Variants in NBEA observed in about 807,000 individuals in gnomAD.
NBEA encodes neurobeachin, also known as lysosomal-trafficking regulator 2.
NBEA carries 44 observed loss-of-function variants against 343.4 expected under a neutral mutation model. The observed-to-expected ratio is 0.13, with a 90% CI of 0.10 to 0.16. The LOEUF (loss-of-function observed/expected upper bound fraction) is 0.16, where lower values mean the gene tolerates loss of function less well. NBEA is among the 10% of genes least tolerant of loss of function. The probability of loss-of-function intolerance (pLI) is 1.00; values close to 1 mark genes in which losing one functional copy is unlikely to be tolerated. For missense variants in NBEA, 2,555 were observed against 3,631.3 expected, an observed-to-expected ratio of 0.70 and a Z score of 7.62; for synonymous variants, 1,175 against 1,238.7, an observed-to-expected ratio of 0.95 and a Z score of 1.08.
intron 10 of NBEA, among the ~76,000 whole-genome samples, chr13:35,096,222 G>T (rs202190713): frequency 2.0e-5 from 3 of 148,188 alleles, no homozygotes; most frequent in Non-Finnish European, 3.0e-5. Context: ...TTGCAAAGAT[G>T]TGGTATTGCT....
At chr13:35,082,775 T>G (rs571122478) in intron 10 of NBEA, among the ~76,000 whole-genome samples, 1 of 152,204 alleles carries the variant, frequency 6.6e-6, no homozygotes, top group Non-Finnish European at 1.5e-5. Context: ...GTTTGTTTTT[T>G]TCTTGTAAAT....
chr13:35,300,064 T>G (rs1212777250), intron 35 of NBEA, among the ~76,000 whole-genome samples: 1 of 152,222 alleles, frequency 6.6e-6, no homozygotes, highest in African/African-American at 2.4e-5. Context: ...TATGTACTTT[T>G]CTTGTCACAA....
At chr13:35,166,830 G>A (rs548431357) in intron 24 of NBEA, among the ~76,000 whole-genome samples, 3 of 152,032 alleles carry the variant, frequency 2.0e-5, no homozygotes, top group African/African-American at 4.8e-5. Context: ...AAATTAAACC[G>A]AATATTTGGG....
chr13:35,104,824 G>A (rs2065836116), intron 11 of NBEA, among the ~76,000 whole-genome samples: 1 of 151,886 alleles, frequency 6.6e-6, no homozygotes, highest in Non-Finnish European at 1.5e-5. Context: ...GAAACTTAGA[G>A]GTTATCCAGC....
chr13:35,351,146 C>A (rs2040176050), intron 37 of NBEA, among the ~76,000 whole-genome samples: 1 of 151,862 alleles, frequency 6.6e-6, no homozygotes, highest in East Asian at 1.9e-4. Flanking sequence ...TAGTGTATAT[C>A]AATAGATAAA....
intron 36 of NBEA, among the ~76,000 whole-genome samples, chr13:35,333,180 A>G (rs754391852): frequency 6.6e-6 from 1 of 152,160 alleles, no homozygotes; most frequent in African/African-American, 2.4e-5. Context: ...TCAAGGGGGA[A>G]AAAAGATTTT....
intron 1 of NBEA, among the ~76,000 whole-genome samples, chr13:34,960,420 T>G (rs2152490847): frequency 6.6e-6 from 1 of 152,176 alleles, no homozygotes; most frequent in Admixed American, 6.6e-5. Context: ...AACTTTTTTT[T>G]GTAAATTAAG....
At chr13:35,565,925 T>A (rs1298070178) in intron 44 of NBEA, among the ~76,000 whole-genome samples, 1 of 152,236 alleles carries the variant, frequency 6.6e-6, no homozygotes, top group South Asian at 2.1e-4. Flanking sequence ...AATGTATGAT[T>A]GACATCTGCC....
chr13:35,362,309 A>G (rs2040853313), intron 38 of NBEA, among the ~76,000 whole-genome samples: 1 of 151,972 alleles, frequency 6.6e-6, no homozygotes. Flanking sequence ...CTATACCTAT[A>G]AATAGGTTAA....
intron 33 of NBEA, among the ~76,000 whole-genome samples, chr13:35,221,257 T>G: frequency 6.6e-6 from 1 of 151,944 alleles, no homozygotes; most frequent in Admixed American, 6.5e-5. Context: ...GGCAGAAGAA[T>G]TGTTTGAACC....
intron 38 of NBEA, among the ~76,000 whole-genome samples, chr13:35,402,183 C>G (rs1805254153): frequency 6.6e-6 from 1 of 151,782 alleles, no homozygotes; most frequent in Admixed American, 6.6e-5. Context: ...AGATATAAAT[C>G]TCGAAGTAAA....
chr13:35,327,190 A>T lies in NBEA; in HGVS notation c.5903+17598A>T, dbSNP rs540135460. Among the ~76,000 whole-genome samples the T allele has an allele frequency of 2.3e-3, 343 of 152,206 alleles. 1 individual carries two copies. The highest frequency in any genetic ancestry group is 2.7e-3 in the Non-Finnish European group (183 of 67,946). Reference sequence around the variant, plus strand: ...TACACTGTTGATGGAAATGTAAAGTAGTTCAGCCACTGTGGAAAGCAGTTT... The same window carrying T: ...TACACTGTTGATGGAAATGTAAAGTTGTTCAGCCACTGTGGAAAGCAGTTT... On this transcript the variant is annotated intron_variant, in intron 36 of 58. Transcript: ENST00000379939.
chr13:35,028,815 TTC>T (rs1229001271), intron 1 of NBEA, among the ~76,000 whole-genome samples: 1 of 151,432 alleles, frequency 6.6e-6, no homozygotes, highest in Non-Finnish European at 1.5e-5. Context: ...CTAATATACT[TTC>T]TTTCTCTATG....
chr13:35,217,273 T>G (rs1204477717), intron 33 of NBEA, among the ~76,000 whole-genome samples: 4 of 152,052 alleles, frequency 2.6e-5, no homozygotes, highest in Non-Finnish European at 5.9e-5. Context: ...CAAATACAAG[T>G]CCTTTTTTAG....
intron 43 of NBEA, among the ~76,000 whole-genome samples, chr13:35,551,553 T>C (rs188404857): frequency 1.1e-4 from 16 of 152,336 alleles, no homozygotes; most frequent in Admixed American, 1.0e-3. Context: ...TATTAAAAGA[T>C]ACTAATGTAA....
chr13:35,340,413 CACAGAG>C (rs1420609380), intron 36 of NBEA, among the ~76,000 whole-genome samples: 1 of 151,976 alleles, frequency 6.6e-6, no homozygotes, highest in African/African-American at 2.4e-5. Flanking sequence ...TAGTGAAACT[CACAGAG>C]ACAAAGTGGG....
At chr13:34,967,281 T>C (rs2059851874) in intron 1 of NBEA, among the ~76,000 whole-genome samples, 1 of 151,844 alleles carries the variant, frequency 6.6e-6, no homozygotes, top group Non-Finnish European at 1.5e-5. Context: ...GGGTTAGATA[T>C]CTGTGGTTTT....
chr13:35,315,640 C>T (rs151109498), intron 36 of NBEA, among the ~76,000 whole-genome samples: 1 of 151,984 alleles, frequency 6.6e-6, no homozygotes, highest in African/African-American at 2.4e-5. Flanking sequence ...CAGAAAAGAA[C>T]AGATAATATT....
At chr13:35,492,860 A>G (rs2076547809) in intron 41 of NBEA, among the ~76,000 whole-genome samples, 1 of 151,874 alleles carries the variant, frequency 6.6e-6, no homozygotes, top group Admixed American at 6.6e-5. Flanking sequence ...ACTAAAAGGA[A>G]TGGGAGATAA....
Sources: gnomAD v4.1 joint callset for allele counts (sites outside exome capture counted in the v4.1 genomes callset) on GRCh38, gnomAD v4.1.1 for gene constraint, MANE v1.5 for transcripts, NCBI Gene and HGNC (gene_info 2026-07-23, HGNC 2026-07-21) for gene names.